Variants in DRC8 observed in about 807,000 individuals in gnomAD.
DRC8 encodes dynein regulatory complex subunit 8.
At chr1:244,992,762 A>C in the DRC8 span, among the ~76,000 whole-genome samples, 82,742 of 152,130 alleles carry the variant, frequency 0.54, 24,306 homozygotes, top group East Asian at 0.75. Context: ...CAAAAAAACA[A>C]AAAACAAAAA....
chr1:245,103,626 T>C, the DRC8 span, among the ~76,000 whole-genome samples: 46 of 125,374 alleles, frequency 3.7e-4, no homozygotes, highest in Middle Eastern at 0.015. Flanking sequence ...TGGTCCTCTA[T>C]GGTCAGGAGG....
chr1:245,059,216 G>A, the DRC8 span, among the ~76,000 whole-genome samples: 51,686 of 151,838 alleles, frequency 0.34, 9,059 homozygotes, highest in Middle Eastern at 0.4. Flanking sequence ...TCTTTCTTTG[G>A]TTCACTTATC....
the DRC8 span, among the ~76,000 whole-genome samples, chr1:245,060,854 C>T: frequency 6.6e-6 from 1 of 152,228 alleles, no homozygotes; most frequent in African/African-American, 2.4e-5. Context: ...AAATCATGGC[C>T]CCTGGCCAAA....
the DRC8 span, among the ~76,000 whole-genome samples, chr1:245,119,802 A>G: frequency 2.6e-5 from 4 of 151,280 alleles, no homozygotes; most frequent in Admixed American, 6.6e-5. Flanking sequence ...ACGTGGTGGC[A>G]GGTGCCTGTA....
chr1:244,985,626 G>C, the DRC8 span, among the ~76,000 whole-genome samples: 1 of 152,100 alleles, frequency 6.6e-6, no homozygotes, highest in Non-Finnish European at 1.5e-5. Flanking sequence ...TACTTTGGGA[G>C]GCCAAGGTGG....
At chr1:245,038,163 A>C in the DRC8 span, among the ~76,000 whole-genome samples, 6,245 of 152,298 alleles carry the variant, frequency 0.041, 184 homozygotes, top group South Asian at 0.067. Flanking sequence ...AAGAATAGGC[A>C]AGAAAACTCT....
chr1:244,991,771 C>T, the DRC8 span, among the ~76,000 whole-genome samples: 1 of 152,100 alleles, frequency 6.6e-6, no homozygotes, highest in East Asian at 1.9e-4. Context: ...TATTTAAAAT[C>T]ATAAACAAAT....
the DRC8 span, among the ~76,000 whole-genome samples, chr1:245,069,997 G>A: frequency 2.6e-5 from 4 of 152,122 alleles, no homozygotes; most frequent in South Asian, 2.1e-4. Context: ...GTGAGCTATC[G>A]TGGCACCACC....
chr1:244,991,570 T>C, the DRC8 span, among the ~76,000 whole-genome samples: 1 of 152,190 alleles, frequency 6.6e-6, no homozygotes, highest in Non-Finnish European at 1.5e-5. Context: ...TTGTAACTTG[T>C]TTACTATGGT....
At chr1:245,027,586 A>C in the DRC8 span, among the ~76,000 whole-genome samples, 2 of 152,182 alleles carry the variant, frequency 1.3e-5, no homozygotes, top group Admixed American at 1.3e-4. Flanking sequence ...TTTTTAAACT[A>C]TCTATTTCGA....
At chr1:245,088,338 A>ACACACT in the DRC8 span, among the ~76,000 whole-genome samples, 3 of 152,020 alleles carry the variant, frequency 2.0e-5, no homozygotes, top group African/African-American at 7.2e-5. The surrounding 1 kb of genome is among the most constrained non-coding windows in gnomAD (Gnocchi z 4.6). Flanking sequence ...ACACACACAC[A>ACACACT]CACACACACA....
chr1:245,074,613 T>C, the DRC8 span, among the ~76,000 whole-genome samples: 1 of 152,244 alleles, frequency 6.6e-6, no homozygotes, highest in Non-Finnish European at 1.5e-5. Flanking sequence ...CTCTGGTGAT[T>C]CATCTGTTTT....
the DRC8 span, among the ~76,000 whole-genome samples, chr1:245,073,706 T>A: frequency 6.6e-6 from 1 of 152,138 alleles, no homozygotes; most frequent in Non-Finnish European, 1.5e-5. Context: ...TATATATACA[T>A]GTATATATAA....
At chr1:245,005,773 G>A in the DRC8 span, among the ~76,000 whole-genome samples, 2 of 152,206 alleles carry the variant, frequency 1.3e-5, no homozygotes. Flanking sequence ...GATAGAGATA[G>A]CATGTATGCT....
At chr1:245,099,426 G>A in the DRC8 span, among the ~76,000 whole-genome samples, 2 of 152,246 alleles carry the variant, frequency 1.3e-5, no homozygotes, top group South Asian at 2.1e-4. Context: ...CAGTTTGCCC[G>A]CCAGCCAACA....
the DRC8 span, among the ~76,000 whole-genome samples, chr1:245,028,290 A>G: frequency 6.6e-5 from 10 of 152,220 alleles, no homozygotes; most frequent in Admixed American, 3.9e-4. Context: ...AAGTGTTCCA[A>G]TGTGTAACTA....
the DRC8 span, among the ~76,000 whole-genome samples, chr1:244,998,564 C>G: frequency 6.6e-6 from 1 of 152,096 alleles, no homozygotes; most frequent in Non-Finnish European, 1.5e-5. Flanking sequence ...TAGGCTGACC[C>G]CCTTCCCCCA....
At chr1:245,014,063 A>C in the DRC8 span, among the ~76,000 whole-genome samples, 1 of 148,416 alleles carries the variant, frequency 6.7e-6, no homozygotes, top group Non-Finnish European at 1.5e-5. Context: ...AAAAAAAAAG[A>C]AAAAAAGAAA....
At chr1:245,017,953 G>A in the DRC8 span, among the ~76,000 whole-genome samples, 3 of 152,150 alleles carry the variant, frequency 2.0e-5, no homozygotes, top group African/African-American at 7.2e-5. Context: ...GAAGCCAGGC[G>A]TGGTGGCTGA....
Sources: gnomAD v4.1 joint callset for allele counts (sites outside exome capture counted in the v4.1 genomes callset) on GRCh38, gnomAD v4.1.1 for gene constraint, Gnocchi (gnomAD v3.1) non-coding constraint, MANE v1.5 for transcripts, NCBI Gene and HGNC (gene_info 2026-07-23, HGNC 2026-07-21) for gene names.